Variants in ANK2 observed in about 807,000 individuals in gnomAD.
ANK2 encodes ankyrin-2.
Under a neutral mutation model 360.5 loss-of-function variants are expected in ANK2, and 83 were observed. The ratio of observed to expected loss-of-function variants is 0.23; its 90% confidence interval spans 0.19 to 0.28. The LOEUF is 0.28. Ranked by LOEUF, ANK2 falls within the 10% of genes least tolerant of loss-of-function variation. ANK2 has a pLI of 1.00. For missense variants in ANK2, 4,201 were observed against 4,795.7 expected (o/e 0.88, Z 3.66); for synonymous variants, 1,740 against 1,759.5 (o/e 0.99, Z 0.28).
At chr4:112,985,298 A>C (rs1578366983) in intron 2 of ANK2, among the ~76,000 whole-genome samples, 1 of 152,252 alleles carries the variant, frequency 6.6e-6, no homozygotes, top group Non-Finnish European at 1.5e-5. Context: ...AAAGATTTGC[A>C]TTACAATTAA....
the ANK2 span, among the ~76,000 whole-genome samples, chr4:112,810,157 A>AT: frequency 2.1e-4 from 5 of 23,692 alleles, no homozygotes; most frequent in Non-Finnish European, 3.4e-4. Flanking sequence ...ATATATATAT[A>AT]TATTTTTTTT....
In ANK2 at chr4:113,369,657, G is replaced by T; in HGVS notation, c.11462G>T (p.Gly3821Val). 1 of 1,614,098 alleles carries T rather than the reference G, an allele frequency of 6.2e-7. No individual in the cohort carries two copies. Among genetic ancestry groups the T allele is most frequent in the Non-Finnish European group, 8.5e-7 (1 of 1,180,014 alleles). Residue 3821 changes from glycine (G) to valine (V), a missense_variant, in exon 43 of 46, where the codon GGA (glycine) becomes GTA (valine). Physicochemically the swap from Gly to Val is moderately radical, Grantham distance 109. Coordinates refer to ENST00000357077, the MANE Select transcript of ANK2 (RefSeq NM_001148.6). Reference sequence around the variant, plus strand: ...CAGACCCCAACATCCAGCGAGCGGGGAGGCTCTCCCATCATACAAGAACCC... The same window carrying T: ...CAGACCCCAACATCCAGCGAGCGGGTAGGCTCTCCCATCATACAAGAACCC... Reference protein sequence around the residue: ...YLQTPTSSERGGSPIIQEPEE... With the variant: ...YLQTPTSSERVGSPIIQEPEE...
the ANK2 span, among the ~76,000 whole-genome samples, chr4:112,746,046 C>A: frequency 6.6e-6 from 1 of 151,976 alleles, no homozygotes; most frequent in Admixed American, 6.6e-5. Flanking sequence ...CTACCATCCC[C>A]TTCTATCAGC....
intron 2 of ANK2, among the ~76,000 whole-genome samples, chr4:113,177,134 C>T (rs556895239): frequency 1.4e-4 from 21 of 152,252 alleles, no homozygotes; most frequent in East Asian, 1.2e-3. Context: ...GGCTGGAGTG[C>T]GGTGGCGTGA....
At chr4:113,172,415 A>G (rs1190276669) in intron 1 of ANK2, among the ~76,000 whole-genome samples, 4 of 152,220 alleles carry the variant, frequency 2.6e-5, no homozygotes, top group Non-Finnish European at 5.9e-5. Flanking sequence ...ATAAACATAA[A>G]TTAAATCTCA....
intron 1 of ANK2, among the ~76,000 whole-genome samples, chr4:113,097,874 A>ATC (rs2091829822): frequency 8.5e-6 from 1 of 117,948 alleles, no homozygotes; most frequent in Admixed American, 7.8e-5. Context: ...GTGTATATAT[A>ATC]TGCACACACA....
At chr4:113,236,574 T>G (rs1266445090) in intron 5 of ANK2, among the ~76,000 whole-genome samples, 2 of 152,214 alleles carry the variant, frequency 1.3e-5, no homozygotes, top group African/African-American at 4.8e-5. Flanking sequence ...AATCATATAT[T>G]TTATTTCCCT....
rs1452146933 is a variant in ANK2, at chr4:113,356,286, T to C, written c.7668T>C (p.Asp2556=). The C allele has an allele frequency of 3.7e-6, 6 of 1,613,974 alleles. No individual in the cohort carries two copies. The highest frequency in any genetic ancestry group is 1.6e-4 in the Middle Eastern group (1 of 6,084). Residue 2556 remains aspartate, a synonymous_variant, in exon 38 of 46, where the codon GAT becomes GAC. Transcript: ENST00000357077. ...ATGAGGTTACACCCAAAACCACAGA[T>C]GTAAGTACACCAAAACCAGCTGTGA... ...VSYEVTPKTT[D]VSTPKPAVIH...
intron 1 of ANK2, among the ~76,000 whole-genome samples, chr4:112,861,281 A>G (rs1009743677): frequency 6.6e-6 from 1 of 152,236 alleles, no homozygotes; most frequent in African/African-American, 2.4e-5. Flanking sequence ...GGAAAGGTTG[A>G]AATTGCTTAT....
At chr4:113,260,700 G>A (rs2052359347) in intron 13 of ANK2, among the ~76,000 whole-genome samples, 1 of 152,158 alleles carries the variant, frequency 6.6e-6, no homozygotes, top group African/African-American at 2.4e-5. Context: ...TTAACTGGCT[G>A]TCCTGTACTT....
chr4:113,283,390 A>T (rs2063168336), intron 18 of ANK2, among the ~76,000 whole-genome samples: 1 of 152,128 alleles, frequency 6.6e-6, no homozygotes, highest in Non-Finnish European at 1.5e-5. Context: ...AAACTCAATA[A>T]AATACAGATT....
chr4:113,130,885 T>A (rs1582515121), intron 1 of ANK2, among the ~76,000 whole-genome samples: 1 of 152,196 alleles, frequency 6.6e-6, no homozygotes, highest in African/African-American at 2.4e-5. Context: ...ATTGTACCAA[T>A]GCATAAACAG....
intron 2 of ANK2, among the ~76,000 whole-genome samples, chr4:112,934,015 G>A (rs2093506007): frequency 6.6e-6 from 1 of 152,024 alleles, no homozygotes; most frequent in Admixed American, 6.6e-5. Flanking sequence ...AAAGATGCTC[G>A]GGAGATTGAG....
chr4:112,936,063 C>T (rs1283314969), intron 2 of ANK2, among the ~76,000 whole-genome samples: 1 of 152,224 alleles, frequency 6.6e-6, no homozygotes, highest in African/African-American at 2.4e-5. Context: ...GTTAATCTGT[C>T]ACTAGCTCAA....
At chr4:112,748,774 C>T in the ANK2 span, among the ~76,000 whole-genome samples, 1 of 152,202 alleles carries the variant, frequency 6.6e-6, no homozygotes, top group South Asian at 2.1e-4. Flanking sequence ...GAAACACACC[C>T]ATGCTTTTAA....
At chr4:113,061,352 C>G (rs969574336) in intron 1 of ANK2, among the ~76,000 whole-genome samples, 1 of 152,088 alleles carries the variant, frequency 6.6e-6, no homozygotes, top group Admixed American at 6.6e-5. Context: ...CAGTGGGAGA[C>G]TAAAGCTCCT....
At chr4:112,726,574 T>C in the ANK2 span, among the ~76,000 whole-genome samples, 2 of 152,088 alleles carry the variant, frequency 1.3e-5, no homozygotes, top group African/African-American at 4.8e-5. Context: ...AGTTCAGAGC[T>C]AAAATTTAAG....
At position 113,330,349 on chromosome 4, in the gene ANK2, A is replaced by G; in HGVS notation, c.3004A>G (p.Thr1002Ala). The G allele has an allele frequency of 1.2e-6, 2 of 1,614,228 alleles. No individual in the cohort carries two copies. The highest frequency in any genetic ancestry group is 1.7e-6 in the Non-Finnish European group (2 of 1,180,046). Reference sequence around the variant, plus strand: ...TCCACCTCGGAAATGTACTGCTCCAACGCGAGTCACCTGCCGACTGGTCAA... The same window carrying G: ...TCCACCTCGGAAATGTACTGCTCCAGCGCGAGTCACCTGCCGACTGGTCAA... Reference protein sequence around the residue: ...IIPPRKCTAPTRVTCRLVKRH... With the variant: ...IIPPRKCTAPARVTCRLVKRH... The change falls in exon 27 of 46, where the codon ACG (threonine) becomes GCG (alanine). Residue 1002 changes from threonine to alanine, a missense_variant. By Grantham distance (58) the Thr-to-Ala change is moderately conservative. Coordinates refer to ENST00000357077, the MANE Select transcript of ANK2 (RefSeq NM_001148.6).
At chr4:113,075,697 GAGA>G (rs766669104) in intron 1 of ANK2, among the ~76,000 whole-genome samples, 40 of 152,304 alleles carry the variant, frequency 2.6e-4, no homozygotes, top group Non-Finnish European at 5.3e-4. Context: ...TAATGATTCA[GAGA>G]AGTTTTGTTA....
Sources: allele counts gnomAD v4.1 joint callset (sites outside exome capture counted in the v4.1 genomes callset), GRCh38; gene constraint gnomAD v4.1.1; transcripts MANE v1.5; gene names NCBI Gene and HGNC (gene_info 2026-07-23, HGNC 2026-07-21).